Variants in GAK observed in about 807,000 individuals in gnomAD.
GAK encodes the protein cyclin G associated kinase, also known as cyclin-G-associated kinase.
GAK carries 79 observed loss-of-function variants against 143.9 expected under a neutral mutation model. That is an observed-to-expected ratio of 0.55 (90% confidence interval 0.46 to 0.66). The LOEUF (loss-of-function observed/expected upper bound fraction) is 0.66. Ranked by LOEUF, GAK falls within the 30% of genes least tolerant of loss-of-function variation. GAK has a pLI of 0.00. For synonymous variants in GAK, 881 were observed against 765.5 expected (o/e 1.15, Z -2.49); for missense variants, 1,693 against 1,779.7 (o/e 0.95, Z 0.88).
At chr4:879,525 C>T (rs75067454) in intron 15 of GAK, among the ~76,000 whole-genome samples, 6,531 of 152,262 alleles carry the variant, frequency 0.043, 163 homozygotes, top group Middle Eastern at 0.075. Flanking sequence ...GGCTTTCTGA[C>T]GAGAACCTTG....
intron 1 of GAK, among the ~76,000 whole-genome samples, chr4:921,445 C>G (rs1372246709): frequency 6.6e-6 from 1 of 152,176 alleles, no homozygotes; most frequent in Non-Finnish European, 1.5e-5. Context: ...GGAAGATCCA[C>G]AAATGGTGCC....
chr4:881,772 C>T (rs143501121), intron 15 of GAK, 135 bp downstream of exon 15: 41 of 1,130,376 alleles, frequency 3.6e-5, no homozygotes, highest in South Asian at 6.9e-5. Flanking sequence ...GCCATGGCTC[C>T]GCGAGGCCGG....
chr4:873,165 G>A (rs1306995111), intron 18 of GAK, among the ~76,000 whole-genome samples: 1 of 152,230 alleles, frequency 6.6e-6, no homozygotes, highest in Non-Finnish European at 1.5e-5. Context: ...TCCTTTTAAT[G>A]TATGCATTTG....
At chr4:921,973 A>G (rs1439322679) in intron 1 of GAK, among the ~76,000 whole-genome samples, 1 of 152,188 alleles carries the variant, frequency 6.6e-6, no homozygotes, top group Non-Finnish European at 1.5e-5. Context: ...ATCGCTACAC[A>G]TGTATCACAA....
At chr4:901,873 G>C (rs761367903) in intron 5 of GAK, among the ~76,000 whole-genome samples, 12 of 152,228 alleles carry the variant, frequency 7.9e-5, no homozygotes, top group Non-Finnish European at 1.5e-4. Flanking sequence ...AGGGAAGGCT[G>C]AGAACAGGAG....
intron 22 of GAK, among the ~76,000 whole-genome samples, chr4:865,454 G>C (rs1457987646): frequency 6.6e-6 from 1 of 150,806 alleles, no homozygotes; most frequent in African/African-American, 2.4e-5. Context: ...AGGGGCACCA[G>C]CAGGCGGAGC....
rs769719907 is a variant in GAK at position 868,564 on chromosome 4, G to A, written c.2370C>T (p.Arg790=). The A allele has an allele frequency of 2.5e-6, 4 of 1,608,022 alleles. No homozygotes were observed. Among genetic ancestry groups the A allele is most frequent in the Non-Finnish European group, 3.4e-6 (4 of 1,178,234 alleles). The stretch of plus-strand genomic sequence containing the variant: ...CCTGCCAGTCCAGCGTGTGCAGGAA[G>A]CGACTGGCGTCCGCGCTGCTGCTTG... ...SPPSSSADAS[R]FLHTLDWQEE... Residue 790 remains arginine, a synonymous_variant, in exon 20 of 28, where the codon CGC becomes CGT. Coordinates refer to ENST00000314167, the MANE Select transcript of GAK (RefSeq NM_005255.4).
Position 932,104 on chromosome 4 carries a change from G to C in GAK, c.84C>G (p.Phe28Leu), listed in dbSNP as rs759940259. ...CGCCCAGTTCCACCGTCTGCCCCAC[G>C]AAGTCACTCTGGTCGCGGCCGGAAG... is the stretch of plus-strand genomic sequence containing the variant. Reference protein sequence around the residue: ...GGASGRDQSDFVGQTVELGEL... With the variant: ...GGASGRDQSDLVGQTVELGEL... Residue 28 changes from phenylalanine to leucine, a missense_variant, in exon 1 of 28, where the codon TTC becomes TTG. By Grantham distance (22) the Phe-to-Leu change is conservative. Transcript: ENST00000314167. This position sits in a 1 kb window ranked among gnomAD's most constrained non-coding sequence, Gnocchi z 4.0. 6 of 1,601,780 alleles carry C rather than the reference G, an allele frequency of 3.7e-6. No homozygotes were observed. The East Asian group carries it at 1.4e-4, about 36-fold the overall frequency.
At chr4:919,958 G>C (rs1036250869) in intron 1 of GAK, among the ~76,000 whole-genome samples, 6 of 152,222 alleles carry the variant, frequency 3.9e-5, no homozygotes, top group African/African-American at 1.4e-4. Context: ...TGAGGCTGCA[G>C]TGAGCTATGA....
rs74375161 is a variant in GAK at position 849,325 on chromosome 4, C to A, written c.*348G>T. ...GTACAGACAACCACGGGACTGATTA[C>A]AAAGTGCGGTGCAAACACCAGGGCC... On this transcript the variant is annotated 3_prime_UTR_variant, in exon 28 of 28. Coordinates refer to ENST00000314167, the MANE Select transcript of GAK (RefSeq NM_005255.4). 8.9e-6 allele frequency: 3 copies of A among 338,006 alleles called. No homozygotes were observed. In the East Asian group the frequency reaches 1.7e-4, roughly 19 times the overall value. 20.9% of individuals were successfully genotyped at this position (338,006 alleles called of 1,614,324 possible). A position where few individuals can be genotyped will look rare whatever the true frequency, so the allele number is the denominator to read the frequency against.
intron 5 of GAK, 91 bp from the exon 6 acceptor site, chr4:898,249 C>A: frequency 6.7e-7 from 1 of 1,484,730 alleles, no homozygotes; most frequent in South Asian, 1.2e-5. Flanking sequence ...ACAGCCAGGG[C>A]CCTTCGCAGA....
At chr4:902,698 T>C (rs3822023) in intron 5 of GAK, among the ~76,000 whole-genome samples, 58,311 of 149,014 alleles carry the variant, frequency 0.39, 11,614 homozygotes, top group East Asian at 0.56. Context: ...TCACAGATAA[T>C]GGAGAAGCCT....
chr4:901,801 C>G (rs965321716), intron 5 of GAK, among the ~76,000 whole-genome samples: 1 of 152,216 alleles, frequency 6.6e-6, no homozygotes, highest in Non-Finnish European at 1.5e-5. Flanking sequence ...CTCCACAAGC[C>G]GTGGCCAGAG....
At chr4:892,107 C>T (rs1717788819) in intron 9 of GAK, among the ~76,000 whole-genome samples, 2 of 152,268 alleles carry the variant, frequency 1.3e-5, no homozygotes, top group South Asian at 4.1e-4. Flanking sequence ...ACAGCCCAAA[C>T]CTTCCTTGTC....
chr4:887,506 A>C (rs1716700776), intron 11 of GAK: 1 of 147,942 alleles, frequency 6.8e-6, no homozygotes, highest in African/African-American at 2.5e-5. Flanking sequence ...GTACACATGC[A>C]TGTGGCTCAC....
In GAK at chr4:859,092, A is replaced by G. The variant is rs573480099; in HGVS notation, c.3283+514T>C. Reference sequence around the variant, plus strand: ...GGAGTGAACCCAGAGACCCAGGGGCATCAGGTCAGCCCAAGGAGACTTGAA... The same window carrying G: ...GGAGTGAACCCAGAGACCCAGGGGCGTCAGGTCAGCCCAAGGAGACTTGAA... On this transcript the variant is annotated intron_variant, in intron 24 of 27. Coordinates refer to ENST00000314167, the MANE Select transcript of GAK (RefSeq NM_005255.4). 16 of 845,940 alleles carry G rather than the reference A, an allele frequency of 1.9e-5. No individual in the cohort carries two copies. In the South Asian group the frequency reaches 5.4e-4, roughly 29 times the overall value. The allele number at this position is 845,940 out of a possible 1,614,324, so 52.4% of individuals were successfully genotyped here.
At chr4:930,131 C>G (rs1725425370) in intron 1 of GAK, among the ~76,000 whole-genome samples, 11 of 152,156 alleles carry the variant, frequency 7.2e-5, no homozygotes, top group Admixed American at 7.2e-4. Flanking sequence ...AGCCTAAACT[C>G]CCATAGCCTA....
intron 1 of GAK, chr4:915,428 C>A (rs546007809): frequency 1.3e-5 from 2 of 154,550 alleles, no homozygotes; most frequent in South Asian, 3.8e-4. Context: ...ATCACCAATA[C>A]CCAGAACAAG....
chr4:871,265 G>A lies in GAK; in HGVS notation c.2055-361C>T, dbSNP rs962268778. ...GGGAGGCCACGTGCTCAGAGCAGAC[G>A]GGACAACATCCCACAGCTGGAGACT... On this transcript the variant is annotated intron_variant, in intron 18 of 27. Transcript: ENST00000314167. 3.9e-5 allele frequency among the ~76,000 whole-genome samples: 6 copies of A among 152,254 alleles called. No homozygotes were observed. In the East Asian group the frequency reaches 5.8e-4, roughly 15 times the overall value.
Sources: allele counts gnomAD v4.1 joint callset (sites outside exome capture counted in the v4.1 genomes callset), GRCh38; gene constraint gnomAD v4.1.1; non-coding constraint Gnocchi (gnomAD v3.1); transcripts MANE v1.5; gene names NCBI Gene and HGNC (gene_info 2026-07-23, HGNC 2026-07-21).